PHC2: variants seen among roughly 807,000 people sequenced by gnomAD.
PHC2 encodes polyhomeotic homolog 2.
PHC2 carries 29 observed loss-of-function variants against 87.4 expected under a neutral mutation model. The ratio of observed to expected loss-of-function variants is 0.33; its 90% CI spans 0.25 to 0.45. PHC2 has a LOEUF of 0.45. Among genes scored for constraint, PHC2 ranks in the 20% least tolerant of loss-of-function variants. The pLI, the probability that PHC2 is intolerant of heterozygous loss-of-function variation, is 1.00. For missense variants in PHC2, 857 were observed against 1,136.7 expected (o/e 0.75, Z 3.54); for synonymous variants, 438 against 461.7 (o/e 0.95, Z 0.66).
Position 33,349,820 on chromosome 1 carries a change from C to G in PHC2, c.1558+4581G>C. ...CCGGGACGGGGGCGCGAGGCCGGGG[C>G]GGGAGCGCGGGCGGCGGCCGGGGTT... On this transcript the variant is annotated intron_variant, in intron 9 of 14. Transcript: ENST00000683057. This position sits in a 1 kb window ranked among gnomAD's most constrained non-coding sequence, Gnocchi z 4.2. 1 of 976,138 alleles carries G rather than the reference C, an allele frequency of 1.0e-6. No individual in the cohort carries two copies. The highest frequency in any genetic ancestry group is 1.2e-6 in the Non-Finnish European group (1 of 824,512). 60.5% of individuals were successfully genotyped at this position (976,138 alleles called of 1,614,324 possible).
At chr1:33,366,507 C>T (rs1452624349) in intron 7 of PHC2, among the ~76,000 whole-genome samples, 1 of 152,214 alleles carries the variant, frequency 6.6e-6, no homozygotes, top group Non-Finnish European at 1.5e-5. Flanking sequence ...CCTAGCTCCT[C>T]TCCTCAAGCC....
At chr1:33,389,217 T>C (rs953419605) in intron 1 of PHC2, among the ~76,000 whole-genome samples, 3 of 152,088 alleles carry the variant, frequency 2.0e-5, no homozygotes, top group Non-Finnish European at 2.9e-5. Context: ...TAGTTGGTGA[T>C]TGCTATTACT....
intron 2 of PHC2, among the ~76,000 whole-genome samples, 176 bp from the exon 3 acceptor site, chr1:33,372,623 C>T (rs551867300): frequency 4.0e-5 from 6 of 151,362 alleles, no homozygotes; most frequent in Non-Finnish European, 8.8e-5. Flanking sequence ...GACAGCTGTT[C>T]GCAGAGCTTC....
At chr1:33,363,973 C>T (rs1647283261) in intron 7 of PHC2, 9 of 878,068 alleles carry the variant, frequency 1.0e-5, no homozygotes, top group Middle Eastern at 5.7e-4. Context: ...ACCTCTTAGG[C>T]TCTGTTCTCC....
chr1:33,353,838 CAG>C (rs1647018539), intron 9 of PHC2, among the ~76,000 whole-genome samples: 2 of 152,158 alleles, frequency 1.3e-5, no homozygotes, highest in African/African-American at 2.4e-5. Flanking sequence ...AGGGACCCAG[CAG>C]AGTCTCCTGA....
intron 1 of PHC2, among the ~76,000 whole-genome samples, chr1:33,387,007 C>A (rs913562071): frequency 1.3e-5 from 2 of 152,234 alleles, no homozygotes; most frequent in African/African-American, 2.4e-5. Context: ...TATGTCCTGA[C>A]AAGTATGACT....
intron 9 of PHC2, among the ~76,000 whole-genome samples, chr1:33,348,107 G>C (rs1646880136): frequency 1.3e-5 from 2 of 152,318 alleles, no homozygotes; most frequent in Middle Eastern, 3.4e-3. Flanking sequence ...CTGCTTTGCT[G>C]TGCTGGTTAT....
chr1:33,412,970 T>C (rs965727158), intron 1 of PHC2, among the ~76,000 whole-genome samples: 2 of 150,394 alleles, frequency 1.3e-5, no homozygotes, highest in Non-Finnish European at 2.9e-5. Flanking sequence ...TGTTTGTTTT[T>C]GTTTGTTTGT....
intron 9 of PHC2, among the ~76,000 whole-genome samples, chr1:33,351,124 C>T (rs550681880): frequency 4.5e-4 from 69 of 152,280 alleles, no homozygotes; most frequent in South Asian, 1.2e-3. Context: ...GTAGGTCACA[C>T]GGTCTGTGGC....
chr1:33,334,005 G>A lies in PHC2; in HGVS notation c.1761+85C>T. On this transcript the variant is annotated intron_variant, in intron 10 of 14. Coordinates refer to ENST00000683057, the MANE Select transcript of PHC2 (RefSeq NM_001385109.1). This position sits in a 1 kb window ranked among gnomAD's most constrained non-coding sequence, Gnocchi z 5.5. ...AAAGAGCAAATTGTTCACATTTTCA[G>A]AAATTTTACATGGAAATGTAAAAAT... The A allele has an allele frequency of 8.1e-7, 1 of 1,240,524 alleles. No individual in the cohort carries two copies. The highest frequency in any genetic ancestry group is 1.1e-6 in the Non-Finnish European group (1 of 875,494). 76.8% of individuals were successfully genotyped at this position (1,240,524 alleles called of 1,614,324 possible).
At chr1:33,397,509 G>A (rs556345352) in intron 1 of PHC2, among the ~76,000 whole-genome samples, 3 of 152,258 alleles carry the variant, frequency 2.0e-5, no homozygotes, top group South Asian at 2.1e-4. Flanking sequence ...AGGAGACTTC[G>A]CAGAAAGGTT....
intron 1 of PHC2, among the ~76,000 whole-genome samples, chr1:33,409,489 G>C (rs910961401): frequency 1.3e-5 from 2 of 152,158 alleles, no homozygotes; most frequent in Non-Finnish European, 2.9e-5. Flanking sequence ...GGGGTGCTAG[G>C]ATAACAGGTT....
Position 33,368,852 on chromosome 1 carries a change from G to A in PHC2, c.577-230C>T, listed in dbSNP as rs577620322. Among the ~76,000 whole-genome samples the A allele has an allele frequency of 3.1e-3, 476 of 152,246 alleles. 3 individuals carry two copies. The highest frequency in any genetic ancestry group is 4.0e-3 in the Non-Finnish European group (270 of 68,006). ...GCCTGCCTTTCTCTAGAGGCTCGTT[G>A]CATCCTGACCCAGGCTGGGTGCAGG... On this transcript the variant is annotated intron_variant, in intron 5 of 14. Coordinates refer to ENST00000683057, the MANE Select transcript of PHC2 (RefSeq NM_001385109.1). This position sits in a 1 kb window ranked among gnomAD's most constrained non-coding sequence, Gnocchi z 6.6.
intron 1 of PHC2, among the ~76,000 whole-genome samples, chr1:33,400,507 A>C (rs60093165): frequency 0.012 from 1,878 of 152,342 alleles, 30 homozygotes; most frequent in African/African-American, 0.042. Context: ...GACATGAATT[A>C]TCTCATTTAA....
At chr1:33,403,123 C>CTTTTTT (rs34887101) in intron 1 of PHC2, among the ~76,000 whole-genome samples, 3 of 74,654 alleles carry the variant, frequency 4.0e-5, no homozygotes, top group Admixed American at 1.7e-4. Flanking sequence ...GCCCGGCCCA[C>CTTTTTT]TTTTTTTTTT....
chr1:33,385,468 G>T (rs182358528), intron 1 of PHC2, among the ~76,000 whole-genome samples: 1 of 152,164 alleles, frequency 6.6e-6, no homozygotes, highest in South Asian at 2.1e-4. Flanking sequence ...ACCTTTCTGC[G>T]CCTCATTTGC....
chr1:33,339,884 T>TG (rs1646710946), intron 9 of PHC2, among the ~76,000 whole-genome samples: 1 of 152,264 alleles, frequency 6.6e-6, no homozygotes. Context: ...AACGCTCCAA[T>TG]GAGCATTTCC....
At chr1:33,388,099 G>A (rs1248920220) in intron 1 of PHC2, among the ~76,000 whole-genome samples, 2 of 152,184 alleles carry the variant, frequency 1.3e-5, no homozygotes, top group Non-Finnish European at 2.9e-5. Flanking sequence ...TGTCCCACAG[G>A]AGAGAGGGGA....
At chr1:33,345,790 A>G (rs1646834054) in intron 9 of PHC2, 1 of 985,174 alleles carries the variant, frequency 1.0e-6, no homozygotes, top group African/African-American at 1.7e-5. Flanking sequence ...AATTCCCAAA[A>G]TATCCACATC....
Sources: allele counts gnomAD v4.1 joint callset (sites outside exome capture counted in the v4.1 genomes callset), GRCh38; gene constraint gnomAD v4.1.1; non-coding constraint Gnocchi (gnomAD v3.1); transcripts MANE v1.5; gene names NCBI Gene and HGNC (gene_info 2026-07-23, HGNC 2026-07-21).